MUC6: variants seen among roughly 807,000 people sequenced by gnomAD.
MUC6 encodes mucin 6, oligomeric mucus/gel-forming (gene/pseudogene).
A neutral mutation model predicts 201.5 loss-of-function variants in MUC6; 188 were observed. The ratio of observed to expected loss-of-function variants is 0.93; its 90% CI spans 0.83 to 1.05. The LOEUF is 1.05. Ranked by LOEUF, MUC6 falls within the 50% of genes least tolerant of loss-of-function variation. The pLI, the probability that MUC6 is intolerant of heterozygous loss-of-function variation, is 0.00. For missense variants in MUC6, 2,706 were observed against 3,256.9 expected (o/e 0.83, Z 4.12); for synonymous variants, 1,228 against 1,389.4 (o/e 0.88, Z 2.58).
rs1242744408 is a variant in MUC6 at position 1,029,702 on chromosome 11, G to T, written c.1016-87C>A. ...TGGCTCCAGGGAGACGCCCCCTCCAGCCTGGCTCCAGGGAGACGCCCCCTC... is the reference window on the plus strand; with the variant it reads ...TGGCTCCAGGGAGACGCCCCCTCCATCCTGGCTCCAGGGAGACGCCCCCTC... On this transcript the variant is annotated intron_variant, in intron 8 of 32. Coordinates refer to ENST00000421673, the MANE Select transcript of MUC6 (RefSeq NM_005961.3). 4 of 1,470,534 alleles carry T rather than the reference G, an allele frequency of 2.7e-6. No individual in the cohort carries two copies. In the Admixed American group the frequency reaches 7.5e-5, roughly 28 times the overall value. 91.1% of individuals were successfully genotyped at this position (1,470,534 alleles called of 1,614,324 possible). A position where few individuals can be genotyped will look rare whatever the true frequency, so the allele number is the denominator to read the frequency against.
rs1263088013 is a variant in MUC6, at chr11:1,012,928, G to A, written c.*528C>T. ...TGGTGCTGGTGGGGGCCTTCTGCCT[G>A]GCTGGGAGCGGGGGCGGCTGCCCTG... On this transcript the variant is annotated 3_prime_UTR_variant, in exon 33 of 33. Transcript: ENST00000421673. 1 of 155,826 alleles carries A rather than the reference G, an allele frequency of 6.4e-6. No homozygotes were observed. Among genetic ancestry groups the A allele is most frequent in the Non-Finnish European group, 1.4e-5 (1 of 70,594 alleles). The allele number at this position is 155,826 out of a possible 1,614,324, so 9.7% of individuals were successfully genotyped here.
chr11:1,027,936 G>T, intron 15 of MUC6, 29 bp downstream of exon 15: 2 of 1,562,728 alleles, frequency 1.3e-6, no homozygotes, highest in Non-Finnish European at 1.7e-6. Flanking sequence ...CTCCCCTGCA[G>T]CCCTCCCAAG....
rs1416620213 is a variant in MUC6, at chr11:1,030,928, C to G, written c.684+19G>C. On this transcript the variant is annotated intron_variant, in intron 6 of 32. Coordinates refer to ENST00000421673, the MANE Select transcript of MUC6 (RefSeq NM_005961.3). ...CTGTCAGACCTGGGGTCAGCCCCACCTGGAGCCCCCTTGCTTACGTGCTGG... is the reference window on the plus strand; with the variant it reads ...CTGTCAGACCTGGGGTCAGCCCCACGTGGAGCCCCCTTGCTTACGTGCTGG... The G allele has an allele frequency of 6.4e-7, 1 of 1,554,766 alleles. No individual in the cohort carries two copies. The highest frequency in any genetic ancestry group is 1.4e-5 in the African/African-American group (1 of 73,306).
In MUC6 at chr11:1,018,505, G is replaced by C; in HGVS notation, c.4296C>G (p.Thr1432=). 3 of 1,595,208 alleles carry C rather than the reference G, an allele frequency of 1.9e-6. No individual in the cohort carries two copies. The highest frequency in any genetic ancestry group is 2.6e-6 in the Non-Finnish European group (3 of 1,168,720). The part of the protein sequence containing the change: ...VTATSFHATT[T]YPTPSHPETT... ...TCTCAGGGTGTGATGGGGTTGGATA[G>C]GTAGTGGTGGCATGGAAAGATGTTG... is the stretch of plus-strand genomic sequence containing the variant. Residue 1432 remains threonine (T), a synonymous_variant, in exon 31 of 33, where the codon ACC becomes ACG. Coordinates refer to ENST00000421673, the MANE Select transcript of MUC6 (RefSeq NM_005961.3).
In MUC6 at chr11:1,027,314, T is replaced by C; in HGVS notation, c.2185A>G (p.Lys729Glu). The C allele has an allele frequency of 6.2e-7, 1 of 1,612,884 alleles. No individual in the cohort carries two copies. The highest frequency in any genetic ancestry group is 8.5e-7 in the Non-Finnish European group (1 of 1,179,818). ...GTGGACTGCTCGGCCAGGATGAACT[T>C]GTAACCCTCCAGTATGCACGGGCAC... The part of the protein sequence containing the change: ...AQCPCILEGY[K>E]FILAEQSTVI... Residue 729 changes from lysine (K) to glutamate (E), a missense_variant, in exon 17 of 33, where the codon AAG (lysine) becomes GAG (glutamate). Coordinates refer to ENST00000421673, the MANE Select transcript of MUC6 (RefSeq NM_005961.3).
chr11:1,025,907 A>G lies in MUC6; in HGVS notation c.2697T>C (p.Cys899=), dbSNP rs773014802. 8.7e-6 allele frequency: 14 copies of G among 1,610,554 alleles called. No individual in the cohort carries two copies. The highest frequency in any genetic ancestry group is 1.2e-5 in the Non-Finnish European group (14 of 1,178,916). ...NCEYILATDV[C]GVNDSQPTFK... The stretch of plus-strand genomic sequence containing the variant: ...AGGTGGGCTGTGAGTCGTTGACACC[A>G]CAGACGTCCTGCAGGGAGAGGGCGC... Residue 899 remains cysteine (C), a synonymous_variant, in exon 22 of 33, where the codon TGT becomes TGC. Coordinates refer to ENST00000421673, the MANE Select transcript of MUC6 (RefSeq NM_005961.3).
Position 1,033,441 on chromosome 11 carries a change from G to A in MUC6, c.53-366C>T, listed in dbSNP as rs1034544895. On this transcript the variant is annotated intron_variant, in intron 1 of 32. Transcript: ENST00000421673. This position sits in a 1 kb window ranked among gnomAD's most constrained non-coding sequence, Gnocchi z 5.6. ...GTGCGGGTGGCAGGGGCTTGGCGGCGGAGCCAACAAAGTGGGCTGTGCCCG... is the reference window on the plus strand; with the variant it reads ...GTGCGGGTGGCAGGGGCTTGGCGGCAGAGCCAACAAAGTGGGCTGTGCCCG... 4.6e-5 allele frequency among the ~76,000 whole-genome samples: 7 copies of A among 152,062 alleles called. No homozygotes were observed. The highest frequency in any genetic ancestry group is 1.4e-4 in the African/African-American group (6 of 41,408).
intron 18 of MUC6, 25 bp from the exon 19 acceptor site, chr11:1,027,075 C>G: frequency 6.2e-7 from 1 of 1,607,032 alleles, no homozygotes; most frequent in Non-Finnish European, 8.5e-7. Flanking sequence ...GGTGCGCGGT[C>G]AGGACACTCA....
At position 1,033,075 on chromosome 11, in the gene MUC6, C is replaced by G; in HGVS notation, c.53G>C (p.Gly18Ala). The part of the protein sequence containing the change: ...LSCCGALLSA[G>A]LANTSYTSPG... ...GCTGGTGTAGGAGGTGTTAGCCAGA[C>G]CTGTGTGGACGGGACCCGCAGTCGG... The change falls in exon 2 of 33, where the codon GGT becomes GCT. Residue 18 changes from glycine to alanine, a missense_variant and splice_region_variant. Physicochemically the swap from Gly to Ala is moderately conservative, Grantham distance 60. Around this residue, in one of 10 missense-constraint regions of MUC6, gnomAD observed 1,850 missense variants for 1,958.3 expected, o/e 0.94. Transcript: ENST00000421673. This position sits in a 1 kb window ranked among gnomAD's most constrained non-coding sequence, Gnocchi z 5.6. The G allele has an allele frequency of 6.2e-7, 1 of 1,613,234 alleles. No individual in the cohort carries two copies. Among genetic ancestry groups the G allele is most frequent in the Non-Finnish European group, 8.5e-7 (1 of 1,179,360 alleles).
intron 31 of MUC6, among the ~76,000 whole-genome samples, chr11:1,015,486 C>T (rs1318014787): frequency 2.0e-5 from 3 of 151,926 alleles, no homozygotes; most frequent in Non-Finnish European, 4.4e-5. Flanking sequence ...GCAGCAGTGA[C>T]CGGGCATGAG....
intron 31 of MUC6, among the ~76,000 whole-genome samples, chr11:1,014,951 A>G (rs1856567592): frequency 6.6e-6 from 1 of 152,204 alleles, no homozygotes; most frequent in Non-Finnish European, 1.5e-5. Context: ...GACCCGAACC[A>G]AGATTCCCTC....
At chr11:1,020,060 T>A (rs375360095) in intron 29 of MUC6, 30 bp downstream of exon 29, 73 of 1,610,202 alleles carry the variant, frequency 4.5e-5, no homozygotes, top group Non-Finnish European at 6.0e-5. Context: ...GCAGCTGCCC[T>A]CTCCATGGGC....
chr11:1,019,058 T>G (rs1262665920), intron 30 of MUC6, among the ~76,000 whole-genome samples: 1 of 152,226 alleles, frequency 6.6e-6, no homozygotes, highest in African/African-American at 2.4e-5. Context: ...GCCGTGGTGG[T>G]GGCCCCCACC....
At chr11:1,023,821 C>T (rs1032707875) in intron 25 of MUC6, 126 bp downstream of exon 25, 4 of 1,450,440 alleles carry the variant, frequency 2.8e-6, no homozygotes, top group South Asian at 1.4e-5. Context: ...CCAGGGTGGC[C>T]CCGCAGGGCA....
intron 1 of MUC6, among the ~76,000 whole-genome samples, chr11:1,035,939 G>A (rs919933636): frequency 6.6e-6 from 1 of 152,150 alleles, no homozygotes; most frequent in African/African-American, 2.4e-5. Context: ...CTGGGGGCCT[G>A]GGGAGGGACT....
chr11:1,025,867 C>T lies in MUC6; in HGVS notation c.2737G>A (p.Glu913Lys), dbSNP rs764832678. Residue 913 changes from glutamate to lysine, a missense_variant, in exon 22 of 33, where the codon GAG (glutamate) becomes AAG (lysine). By Grantham distance (56) the Glu-to-Lys change is moderately conservative (BLOSUM62 1). Transcript: ENST00000421673. ...CCGGAGTTCCCACAGATGACGTTCTCTGTCAGGATCTTGAAGGTGGGCTGT... is the reference window on the plus strand; with the variant it reads ...CCGGAGTTCCCACAGATGACGTTCTTTGTCAGGATCTTGAAGGTGGGCTGT... The part of the protein sequence containing the change: ...DSQPTFKILT[E>K]NVICGNSGVT... The T allele has an allele frequency of 1.2e-6, 2 of 1,612,920 alleles. No individual in the cohort carries two copies. The highest frequency in any genetic ancestry group is 1.7e-6 in the Non-Finnish European group (2 of 1,179,728).
At position 1,015,810 on chromosome 11, in the gene MUC6, C is replaced by A; in HGVS notation, c.6991G>T (p.Ala2331Ser). 1.3e-6 allele frequency: 2 copies of A among 1,563,442 alleles called. No homozygotes were observed. The highest frequency in any genetic ancestry group is 8.7e-7 in the Non-Finnish European group (1 of 1,152,984). ...SSLTAHGSTPASAPVSSLGTP... is the reference protein window; with the variant it reads ...SSLTAHGSTPSSAPVSSLGTP... ...CCGAGAGAAGATACCGGGGCAGAAG[C>A]AGGGGTGCTTCCATGGGCAGTGAGG... is the stretch of plus-strand genomic sequence containing the variant. The change falls in exon 31 of 33, where the codon GCT becomes TCT. Residue 2331 changes from alanine (A) to serine (S), a missense_variant. Ala to Ser is a moderately conservative substitution (Grantham distance 99). Transcript: ENST00000421673.
intron 19 of MUC6, 56 bp from the exon 20 acceptor site, chr11:1,026,534 C>T (rs943716113): frequency 2.7e-6 from 4 of 1,483,386 alleles, no homozygotes; most frequent in Non-Finnish European, 3.6e-6. Flanking sequence ...AGCTGCTGCC[C>T]AGCCCTGGGC....
At chr11:1,023,758 G>A (rs1856881623) in intron 25 of MUC6, 106 bp from the exon 26 acceptor site, 2 of 1,504,014 alleles carry the variant, frequency 1.3e-6, no homozygotes, top group Non-Finnish European at 1.8e-6. Flanking sequence ...GGCGGGGAAG[G>A]TCTGGGCCCT....
Sources: gnomAD v4.1 joint callset for allele counts (sites outside exome capture counted in the v4.1 genomes callset) on GRCh38, gnomAD v4.1.1 for gene constraint, gnomAD v4.1.1 regional missense constraint, Gnocchi (gnomAD v3.1) non-coding constraint, MANE v1.5 for transcripts, NCBI Gene and HGNC (gene_info 2026-07-23, HGNC 2026-07-21) for gene names.